METTL16: variants seen among roughly 807,000 people sequenced by gnomAD.
METTL16 encodes the protein methyltransferase 16, RNA N6-adenosine.
Under a neutral mutation model 57.9 loss-of-function variants are expected in METTL16, and 19 were observed. The observed-to-expected ratio is 0.33, with a 90% CI of 0.23 to 0.48. The LOEUF (loss-of-function observed/expected upper bound fraction) is 0.48, where lower values mean the gene tolerates loss of function less well. METTL16 is among the 20% of genes least tolerant of loss of function. The probability of loss-of-function intolerance (pLI) is 0.99; values close to 1 mark genes in which losing one functional copy is unlikely to be tolerated. For missense variants in METTL16, 434 were observed against 691.5 expected (o/e 0.63, Z 4.18); for synonymous variants, 246 against 255.6 (o/e 0.96, Z 0.36).
At chr17:2,423,686 C>CT (rs1282679023) in intron 8 of METTL16, among the ~76,000 whole-genome samples, 1 of 152,088 alleles carries the variant, frequency 6.6e-6, no homozygotes, top group Non-Finnish European at 1.5e-5. Flanking sequence ...ACAAGCATGG[C>CT]TAAAAGGGCA....
intron 8 of METTL16, among the ~76,000 whole-genome samples, chr17:2,437,203 T>C (rs1328923653): frequency 6.6e-6 from 1 of 152,194 alleles, no homozygotes; most frequent in Non-Finnish European, 1.5e-5. Flanking sequence ...CTTTAAACTT[T>C]TTATTCCAGA....
At chr17:2,460,554 A>G (rs2067142245) in intron 6 of METTL16, among the ~76,000 whole-genome samples, 1 of 152,234 alleles carries the variant, frequency 6.6e-6, no homozygotes, top group Non-Finnish European at 1.5e-5. Flanking sequence ...AGCCACCTAC[A>G]GTTCCCCATT....
At chr17:2,488,722 CT>C (rs1325041859) in intron 2 of METTL16, among the ~76,000 whole-genome samples, 1 of 152,154 alleles carries the variant, frequency 6.6e-6, no homozygotes, top group Non-Finnish European at 1.5e-5. Context: ...CTAAAGTAGT[CT>C]AACTCATGAA....
intron 3 of METTL16, among the ~76,000 whole-genome samples, chr17:2,473,922 AATTTTTGT>A (rs753182475): frequency 2.0e-5 from 3 of 151,930 alleles, no homozygotes; most frequent in Non-Finnish European, 4.4e-5. Flanking sequence ...TATTTTCTGT[AATTTTTGT>A]ATTTTTTGGC....
chr17:2,492,368 T>C (rs184559644), intron 2 of METTL16, among the ~76,000 whole-genome samples: 1 of 148,442 alleles, frequency 6.7e-6, no homozygotes, highest in African/African-American at 2.6e-5. Flanking sequence ...TCAGATATGA[T>C]TATAACAAAG....
At chr17:2,483,557 T>C (rs1252323416) in intron 2 of METTL16, among the ~76,000 whole-genome samples, 5 of 152,184 alleles carry the variant, frequency 3.3e-5, no homozygotes, top group Non-Finnish European at 7.3e-5. Flanking sequence ...TTGTCATTTA[T>C]GGGGGCTAAT....
At chr17:2,489,749 A>AAAAAAAAAAC (rs1555620741) in intron 2 of METTL16, among the ~76,000 whole-genome samples, 17 of 148,106 alleles carry the variant, frequency 1.1e-4, no homozygotes, top group African/African-American at 3.5e-4. Flanking sequence ...AAAAAAAAAA[A>AAAAAAAAAAC]CGAATACTGC....
chr17:2,453,371 GTCT>G (rs1161431706), intron 6 of METTL16, among the ~76,000 whole-genome samples: 1 of 152,166 alleles, frequency 6.6e-6, no homozygotes, highest in Admixed American at 6.5e-5. Flanking sequence ...TAGTTCCTCA[GTCT>G]TCTTTTACTC....
At position 2,451,183 on chromosome 17, in the gene METTL16, G is replaced by A. The variant is rs547044358; in HGVS notation, c.729-9624C>T. ...AGGTGACCACATCTATTTTTGTTTA[G>A]GCAATCCTTTTTCCCTTTGAAAATA... On this transcript the variant is annotated intron_variant, in intron 6 of 9. Transcript: ENST00000263092. Among the ~76,000 whole-genome samples, 3 of 152,058 alleles carry A rather than the reference G, an allele frequency of 2.0e-5. No individual in the cohort carries two copies. The South Asian group carries it at 6.2e-4, about 32-fold the overall frequency.
chr17:2,453,717 T>G (rs2067088324), intron 6 of METTL16, among the ~76,000 whole-genome samples: 4 of 152,208 alleles, frequency 2.6e-5, no homozygotes, highest in Non-Finnish European at 5.9e-5. Context: ...CACGAATCAA[T>G]TATTACTATG....
chr17:2,438,735 C>T (rs2066926393), intron 7 of METTL16, among the ~76,000 whole-genome samples: 1 of 152,194 alleles, frequency 6.6e-6, no homozygotes, highest in Admixed American at 6.5e-5. Context: ...CTCAGGCGAT[C>T]CGCCCACCTC....
chr17:2,493,718 C>G (rs972263060), intron 2 of METTL16, among the ~76,000 whole-genome samples: 1 of 128,854 alleles, frequency 7.8e-6, no homozygotes, highest in Non-Finnish European at 1.6e-5. Context: ...GACTCTGTCT[C>G]AAAAAAAAAA....
chr17:2,446,260 C>A (rs1183833460), intron 6 of METTL16, among the ~76,000 whole-genome samples: 1 of 152,168 alleles, frequency 6.6e-6, no homozygotes, highest in Non-Finnish European at 1.5e-5. Context: ...CCACTCTTCA[C>A]CACTTCTATT....
intron 8 of METTL16, among the ~76,000 whole-genome samples, chr17:2,428,606 T>TATATATATA (rs2066843901): frequency 1.6e-5 from 1 of 64,442 alleles, no homozygotes; most frequent in Non-Finnish European, 2.8e-5. Context: ...TATATATAAA[T>TATATATATA]TGTAATACAG....
chr17:2,487,065 G>T, intron 2 of METTL16, among the ~76,000 whole-genome samples: 1 of 151,428 alleles, frequency 6.6e-6, no homozygotes, highest in Non-Finnish European at 1.5e-5. Context: ...CAGAGATAGG[G>T]AAAAGTGAAA....
At chr17:2,446,227 A>G (rs1338979252) in intron 6 of METTL16, among the ~76,000 whole-genome samples, 1 of 152,218 alleles carries the variant, frequency 6.6e-6, no homozygotes, top group African/African-American at 2.4e-5. Context: ...AACTGCCTTA[A>G]GATTGGGAAT....
chr17:2,462,199 T>C (rs927929292), intron 6 of METTL16, among the ~76,000 whole-genome samples: 2 of 152,110 alleles, frequency 1.3e-5, no homozygotes, highest in Non-Finnish European at 2.9e-5. Context: ...CTTGAAAACA[T>C]GACGAAAAGT....
chr17:2,499,461 C>G (rs2067471827), intron 2 of METTL16, among the ~76,000 whole-genome samples: 2 of 147,510 alleles, frequency 1.4e-5, no homozygotes, highest in African/African-American at 5.3e-5. Flanking sequence ...AGTGTTGCAC[C>G]CCACTAAAAT....
At chr17:2,459,341 C>T (rs922441398) in intron 6 of METTL16, among the ~76,000 whole-genome samples, 16 of 152,314 alleles carry the variant, frequency 1.1e-4, no homozygotes, top group African/African-American at 3.6e-4. Flanking sequence ...GGTTGGATAA[C>T]TTTACCTCTC....
Sources: gnomAD v4.1 joint callset for allele counts (sites outside exome capture counted in the v4.1 genomes callset) on GRCh38, gnomAD v4.1.1 for gene constraint, MANE v1.5 for transcripts, NCBI Gene and HGNC (gene_info 2026-07-23, HGNC 2026-07-21) for gene names.